TBC1D1: variants seen among roughly 807,000 people sequenced by gnomAD.
TBC1D1 encodes the protein TBC1 domain family member 1.
Under a neutral mutation model 125.6 loss-of-function variants are expected in TBC1D1, and 89 were observed. The ratio of observed to expected loss-of-function variants is 0.71; its 90% CI spans 0.60 to 0.85. The LOEUF (loss-of-function observed/expected upper bound fraction) is 0.85. Ranked by LOEUF, TBC1D1 falls within the 40% of genes least tolerant of loss-of-function variation. TBC1D1 has a pLI of 0.00. For missense variants in TBC1D1, 1,377 were observed against 1,469.2 expected, an observed-to-expected ratio of 0.94 and a Z score of 1.03; for synonymous variants, 565 against 564.1, an observed-to-expected ratio of 1.00 and a Z score of -0.02.
At chr4:37,926,525 C>G (rs1205027981) in intron 2 of TBC1D1, among the ~76,000 whole-genome samples, 2 of 152,316 alleles carry the variant, frequency 1.3e-5, no homozygotes, top group East Asian at 3.9e-4. Flanking sequence ...CTGGCTCTGC[C>G]TTTTTGAGGC....
At chr4:38,112,718 G>C (rs939439909) in intron 15 of TBC1D1, among the ~76,000 whole-genome samples, 12 of 152,348 alleles carry the variant, frequency 7.9e-5, no homozygotes, top group Non-Finnish European at 1.8e-4. Flanking sequence ...TTAGTGAAAT[G>C]GATGATGTTC....
intron 2 of TBC1D1, among the ~76,000 whole-genome samples, chr4:37,926,387 C>T (rs1418069098): frequency 1.3e-5 from 2 of 152,194 alleles, no homozygotes; most frequent in Non-Finnish European, 2.9e-5. Context: ...CAAAGTGCCC[C>T]TTCCTTCCTG....
At chr4:37,944,389 G>A (rs1237291110) in intron 2 of TBC1D1, among the ~76,000 whole-genome samples, 1 of 152,246 alleles carries the variant, frequency 6.6e-6, no homozygotes, top group Non-Finnish European at 1.5e-5. Context: ...TAAATCTGCA[G>A]AGGTTTCTGC....
intron 2 of TBC1D1, among the ~76,000 whole-genome samples, chr4:38,005,785 G>A (rs139607785): frequency 1.9e-3 from 294 of 152,296 alleles, no homozygotes; most frequent in African/African-American, 6.5e-3. Context: ...AGCCAGCAAG[G>A]CCATGTGACT....
chr4:38,137,077 G>C, intron 19 of TBC1D1, 58 bp from the exon 22 acceptor site: 1 of 1,608,886 alleles, frequency 6.2e-7, no homozygotes, highest in Non-Finnish European at 8.5e-7. Flanking sequence ...TGTGGGCACT[G>C]GATCCCACCT....
At chr4:38,013,931 A>C (rs567824467) in intron 2 of TBC1D1, among the ~76,000 whole-genome samples, 1 of 152,236 alleles carries the variant, frequency 6.6e-6, no homozygotes, top group Non-Finnish European at 1.5e-5. Context: ...TATAGGACTG[A>C]GTTGTCATGG....
intron 11 of TBC1D1, among the ~76,000 whole-genome samples, chr4:38,050,867 T>C (rs1750396366): frequency 6.6e-6 from 1 of 152,204 alleles, no homozygotes; most frequent in South Asian, 2.1e-4. Flanking sequence ...CTGTCAGCCA[T>C]TGGAAAGAGT....
rs1452344690 is a variant in TBC1D1 at position 38,115,937 on chromosome 4, G to C, written c.2785G>C (p.Asp929His). The C allele has an allele frequency of 2.5e-6, 4 of 1,614,018 alleles. No homozygotes were observed. The highest frequency in any genetic ancestry group is 2.2e-5 in the South Asian group (2 of 91,080). ...GGGGCTGCGGAAACAGTATCGGCCA[G>C]ACATGATTATTTTACAGGTATAGAG... Residue 929 changes from aspartate to histidine, a missense_variant, in exon 16 of 20, where the codon GAC becomes CAC. Around this residue, in one of 3 missense-constraint regions of TBC1D1, gnomAD observed 543 missense variants for 613.5 expected, o/e 0.89. Transcript: ENST00000261439.
At chr4:38,015,080 G>A in intron 3 of TBC1D1, 107 bp downstream of exon 3, 2 of 920,876 alleles carry the variant, frequency 2.2e-6, no homozygotes, top group East Asian at 2.7e-5. Flanking sequence ...TGATTTATGT[G>A]TGAATCCATA....
At chr4:38,045,789 A>G in intron 9 of TBC1D1, 28 bp from the exon 10 acceptor site, 3 of 1,599,226 alleles carry the variant, frequency 1.9e-6, no homozygotes, top group South Asian at 1.1e-5. Flanking sequence ...CTCCAGAGTC[A>G]TAACTCGACT....
intron 17 of TBC1D1, among the ~76,000 whole-genome samples, chr4:38,120,885 G>A (rs1578815428): frequency 6.6e-6 from 1 of 152,192 alleles, no homozygotes; most frequent in Non-Finnish European, 1.5e-5. Context: ...GGAGGAGGAG[G>A]CTGCAGTGTT....
chr4:38,062,125 A>ATTCT (rs1180848594), intron 12 of TBC1D1, among the ~76,000 whole-genome samples: 1 of 152,052 alleles, frequency 6.6e-6, no homozygotes, highest in East Asian at 1.9e-4. Context: ...ACTCCTCAGG[A>ATTCT]TTCTGATTGC....
intron 1 of TBC1D1, among the ~76,000 whole-genome samples, chr4:37,894,675 C>G (rs1233638279): frequency 6.6e-6 from 1 of 152,184 alleles, no homozygotes; most frequent in Non-Finnish European, 1.5e-5. Context: ...GCCTGGTACA[C>G]AGTGAGCACT....
At chr4:37,966,429 A>C (rs1171850335) in intron 2 of TBC1D1, among the ~76,000 whole-genome samples, 1 of 152,216 alleles carries the variant, frequency 6.6e-6, no homozygotes, top group East Asian at 1.9e-4. Flanking sequence ...GCGTTTAAAA[A>C]ACTGAGTGGG....
intron 14 of TBC1D1, among the ~76,000 whole-genome samples, chr4:38,097,266 T>A (rs1759511275): frequency 6.6e-6 from 1 of 151,352 alleles, no homozygotes; most frequent in African/African-American, 2.4e-5. Flanking sequence ...AGGTTTAAGC[T>A]ATTCTCCTGC....
chr4:38,048,872 A>G (rs1749960549), intron 10 of TBC1D1, among the ~76,000 whole-genome samples: 1 of 152,340 alleles, frequency 6.6e-6, no homozygotes, highest in South Asian at 2.1e-4. Context: ...ACTTTAAAAT[A>G]TTGTCATGAT....
intron 2 of TBC1D1, among the ~76,000 whole-genome samples, chr4:37,979,915 G>T (rs1734005015): frequency 6.6e-6 from 1 of 152,174 alleles, no homozygotes; most frequent in Non-Finnish European, 1.5e-5. Flanking sequence ...GAGTAGCTGG[G>T]ATTACAGGCT....
At chr4:37,963,333 G>A (rs961495631) in intron 2 of TBC1D1, among the ~76,000 whole-genome samples, 20 of 152,036 alleles carry the variant, frequency 1.3e-4, no homozygotes, top group East Asian at 3.9e-4. Flanking sequence ...CAGTCATGGC[G>A]GAAGGCCAAG....
At chr4:38,069,306 G>T (rs913855201) in intron 12 of TBC1D1, among the ~76,000 whole-genome samples, 2 of 152,130 alleles carry the variant, frequency 1.3e-5, no homozygotes, top group East Asian at 3.9e-4. Flanking sequence ...GTTTAATCAG[G>T]TTTCAGCTCC....
Sources: allele counts gnomAD v4.1 joint callset (sites outside exome capture counted in the v4.1 genomes callset), GRCh38; gene constraint gnomAD v4.1.1; regional missense constraint gnomAD v4.1.1; transcripts MANE v1.5; gene names NCBI Gene and HGNC (gene_info 2026-07-23, HGNC 2026-07-21).